The following THSD4 variants were observed in gnomAD, a reference collection of about 807,000 sequenced individuals.
THSD4 encodes thrombospondin type 1 domain containing 4, also known as thrombospondin type-1 domain-containing protein 4.
In THSD4, 69 loss-of-function variants were observed where a neutral mutation model predicts 119.0. The observed-to-expected ratio is 0.58, with a 90% CI of 0.48 to 0.71. The LOEUF (loss-of-function observed/expected upper bound fraction) is 0.71. Among genes scored for constraint, THSD4 ranks in the 30% least tolerant of loss-of-function variants. THSD4 has a pLI of 0.00. For synonymous variants in THSD4, 524 were observed against 540.4 expected (o/e 0.97, Z 0.42); for missense variants, 1,393 against 1,391.1 (o/e 1.00, Z -0.02).
chr15:71,294,894 T>C (rs1477884676), intron 6 of THSD4, among the ~76,000 whole-genome samples: 7 of 150,154 alleles, frequency 4.7e-5, no homozygotes, highest in East Asian at 2.0e-4. Context: ...AAAATACTTA[T>C]TGTTCTCAGT....
rs563653219 is a variant in THSD4, at chr15:71,600,632, A to G, written c.1153-59898A>G. 2.6e-5 allele frequency among the ~76,000 whole-genome samples: 4 copies of G among 152,302 alleles called. No homozygotes were observed. The East Asian group carries it at 7.7e-4, about 29-fold the overall frequency. On this transcript the variant is annotated intron_variant, in intron 7 of 17. Transcript: ENST00000261862. Reference sequence around the variant, plus strand: ...GATGACAATGACAATTAAAGTAGTAACAACAGCCATCATTAACTGAACACT... The same window carrying G: ...GATGACAATGACAATTAAAGTAGTAGCAACAGCCATCATTAACTGAACACT...
intron 7 of THSD4, among the ~76,000 whole-genome samples, chr15:71,532,275 AGAGAGAGAGTGTGTGTGT>A (rs1268528939): frequency 1.6e-5 from 2 of 123,008 alleles, no homozygotes; most frequent in African/African-American, 6.3e-5. Flanking sequence ...AGAGAGAGAG[AGAGAGAGAGTGTGTGTGT>A]GTGTGTGTGT....
At chr15:71,113,438 A>G (rs1466969433), upstream of THSD4, 2 of 152,196 alleles carry the variant, frequency 1.3e-5, no homozygotes, top group East Asian at 3.9e-4. Context: ...CTATTTGTGA[A>G]ACTTGTCTAA....
At chr15:71,712,413 AAAG>A (rs1197848587) in intron 8 of THSD4, among the ~76,000 whole-genome samples, 2 of 152,222 alleles carry the variant, frequency 1.3e-5, no homozygotes, top group Non-Finnish European at 2.9e-5. Flanking sequence ...TTATCCTGGA[AAAG>A]AAGAAAGAGC....
chr15:71,358,608 G>A (rs1233808542), intron 6 of THSD4, among the ~76,000 whole-genome samples: 2 of 152,200 alleles, frequency 1.3e-5, no homozygotes, highest in Admixed American at 6.5e-5. Context: ...CACTGTGCAT[G>A]GGTTTCCCCA....
At chr15:71,200,099 T>A (rs2043789976) in intron 3 of THSD4, among the ~76,000 whole-genome samples, 1 of 152,038 alleles carries the variant, frequency 6.6e-6, no homozygotes, top group African/African-American at 2.4e-5. Flanking sequence ...CTAGGGGTGG[T>A]GGAGAGCATT....
chr15:71,628,862 C>T lies in THSD4; in HGVS notation c.1153-31668C>T, dbSNP rs529314453. Among the ~76,000 whole-genome samples, 17 of 152,242 alleles carry T rather than the reference C, an allele frequency of 1.1e-4. No homozygotes were observed. The East Asian group carries it at 1.5e-3, about 14-fold the overall frequency. On this transcript the variant is annotated intron_variant, in intron 7 of 17. Transcript: ENST00000261862. ...TGCTGAGGCACCAGCCAGGCATCCC[C>T]GGGAAACAGGCAGAATGAGGCTGGC...
At chr15:71,154,806 G>A in intron 2 of THSD4, 57 bp from the exon 3 acceptor site, 5 of 1,566,348 alleles carry the variant, frequency 3.2e-6, no homozygotes, top group Non-Finnish European at 4.4e-6. Flanking sequence ...GCCTTCCCTG[G>A]GTGCTGCTGC....
At chr15:71,461,874 T>C (rs2047433030) in intron 7 of THSD4, among the ~76,000 whole-genome samples, 1 of 152,054 alleles carries the variant, frequency 6.6e-6, no homozygotes, top group Non-Finnish European at 1.5e-5. Flanking sequence ...TTTTACAAAG[T>C]TACCATTCAT....
rs544063449 is a variant in THSD4 at position 71,128,778 on chromosome 15, A to G, written c.-79-12671A>G. ...TGAAAAAGAAGAATAAAGGAGGGGG[A>G]ATGAGTGTTTCTGGTTTTAACATGT... On this transcript the variant is annotated intron_variant, in intron 1 of 17. Coordinates refer to ENST00000261862, the MANE Select transcript of THSD4 (RefSeq NM_024817.3). Among the ~76,000 whole-genome samples, 10 of 152,338 alleles carry G rather than the reference A, an allele frequency of 6.6e-5. No individual in the cohort carries two copies. In the South Asian group the frequency reaches 1.9e-3, roughly 28 times the overall value.
At chr15:71,516,750 T>G (rs1454581114) in intron 7 of THSD4, among the ~76,000 whole-genome samples, 1 of 152,240 alleles carries the variant, frequency 6.6e-6, no homozygotes, top group East Asian at 1.9e-4. Flanking sequence ...AATCATTAGT[T>G]TGATGTACCA....
chr15:71,209,495 A>G (rs1377968650), intron 3 of THSD4, among the ~76,000 whole-genome samples: 1 of 152,136 alleles, frequency 6.6e-6, no homozygotes, highest in South Asian at 2.1e-4. Context: ...TCTGTCTGTA[A>G]TCCTCCAGCA....
chr15:71,467,845 GT>G (rs34603517), intron 7 of THSD4, among the ~76,000 whole-genome samples: 2 of 143,704 alleles, frequency 1.4e-5, no homozygotes, highest in South Asian at 2.2e-4. Flanking sequence ...AGATATGATG[GT>G]TTTTTTTTTT....
chr15:71,369,437 T>G lies in THSD4; in HGVS notation c.1016-42250T>G, dbSNP rs1490263342. ...GTGGGATTGTCATGGATAGCTCTTA[T>G]TATTTTGAGATACGTCCCATCAATA... is the stretch of plus-strand genomic sequence containing the variant. On this transcript the variant is annotated intron_variant, in intron 6 of 17. Transcript: ENST00000261862. Among the ~76,000 whole-genome samples the G allele has an allele frequency of 3.3e-5, 5 of 152,226 alleles. No homozygotes were observed. The South Asian group carries it at 6.2e-4, about 19-fold the overall frequency.
At chr15:71,163,334 C>T (rs1480042465) in intron 3 of THSD4, among the ~76,000 whole-genome samples, 1 of 151,704 alleles carries the variant, frequency 6.6e-6, no homozygotes, top group Non-Finnish European at 1.5e-5. Flanking sequence ...CCTGAAATTA[C>T]ATAAACAAAT....
rs545997433 is a variant in THSD4 at position 71,183,483 on chromosome 15, T to TA, written c.99+28555dup. ...TCCAGTGCCTCAGTTTCCTCATCTG[T>TA]AAAATGAGGGTGATAATAGTACCTA... On this transcript the variant is annotated intron_variant, in intron 3 of 17. Coordinates refer to ENST00000261862, the MANE Select transcript of THSD4 (RefSeq NM_024817.3). 2.6e-3 allele frequency among the ~76,000 whole-genome samples: 392 copies of TA among 151,702 alleles called. 3 individuals are homozygous for TA. The highest frequency in any genetic ancestry group is 9.2e-3 in the African/African-American group (380 of 41,494).
chr15:71,464,760 T>C (rs1161807503), intron 7 of THSD4, among the ~76,000 whole-genome samples: 1 of 152,146 alleles, frequency 6.6e-6, no homozygotes, highest in Non-Finnish European at 1.5e-5. Flanking sequence ...GGACACTGTT[T>C]TCAGAGAAGT....
chr15:71,199,620 GGT>G (rs1474877831), intron 3 of THSD4, among the ~76,000 whole-genome samples: 11 of 54,346 alleles, frequency 2.0e-4, no homozygotes, highest in African/African-American at 9.0e-4. Flanking sequence ...GTGGTGTGTG[GGT>G]GTGTGGTGTG....
chr15:71,431,058 A>AT (rs2046937738), intron 7 of THSD4, among the ~76,000 whole-genome samples: 1 of 152,184 alleles, frequency 6.6e-6, no homozygotes, highest in Non-Finnish European at 1.5e-5. Context: ...GAATTTCAAC[A>AT]TTTTGGAGGG....
Sources: gnomAD v4.1 joint callset for allele counts (sites outside exome capture counted in the v4.1 genomes callset) on GRCh38, gnomAD v4.1.1 for gene constraint, MANE v1.5 for transcripts, NCBI Gene and HGNC (gene_info 2026-07-23, HGNC 2026-07-21) for gene names.